UMOD: variants seen among roughly 807,000 people sequenced by gnomAD.
UMOD encodes the protein uromodulin, also known as Tamm-Horsfall urinary glycoprotein.
A neutral mutation model predicts 66.0 loss-of-function variants in UMOD; 64 were observed. The observed-to-expected ratio is 0.97, with a 90% CI of 0.79 to 1.19. The LOEUF is 1.19. Among genes scored for constraint, UMOD ranks in the 50% most tolerant of loss-of-function variants. UMOD has a pLI of 0.00. For missense variants in UMOD, 764 were observed against 850.9 expected, an observed-to-expected ratio of 0.90 and a Z score of 1.27; for synonymous variants, 398 against 352.7, an observed-to-expected ratio of 1.13 and a Z score of -1.44.
At chr16:20,336,510 C>A (rs943636114) in intron 9 of UMOD, 136 bp downstream of exon 9, 2 of 775,404 alleles carry the variant, frequency 2.6e-6, no homozygotes, top group African/African-American at 3.4e-5. Flanking sequence ...CTGTATTCCA[C>A]CTTGCCCCAG....
intron 7 of UMOD, among the ~76,000 whole-genome samples, chr16:20,339,589 A>C (rs1965073783): frequency 6.6e-6 from 1 of 152,218 alleles, no homozygotes; most frequent in Admixed American, 6.5e-5. Flanking sequence ...TCACATTGGC[A>C]CTCACCTGAA....
intron 9 of UMOD, among the ~76,000 whole-genome samples, chr16:20,336,330 C>T (rs1434148929): frequency 6.6e-6 from 1 of 152,232 alleles, no homozygotes; most frequent in Admixed American, 6.5e-5. Context: ...CACACATCTA[C>T]TACAAATATG....
intron 2 of UMOD, chr16:20,349,978 T>C: frequency 4.7e-6 from 6 of 1,268,534 alleles, no homozygotes; most frequent in Non-Finnish European, 6.3e-6. Flanking sequence ...TCTTGTTGAA[T>C]ACTTCCCAAG....
intron 3 of UMOD, 30 bp from the exon 4 acceptor site, chr16:20,348,360 CA>C (rs777115768): frequency 6.2e-7 from 1 of 1,614,064 alleles, no homozygotes; most frequent in African/African-American, 1.3e-5. Context: ...GACAGACAAT[CA>C]ATAAGGACGC....
chr16:20,340,199 T>A (rs1965113849), intron 7 of UMOD, among the ~76,000 whole-genome samples: 1 of 152,172 alleles, frequency 6.6e-6, no homozygotes, highest in Admixed American at 6.5e-5. Flanking sequence ...TGAAGCACCA[T>A]TCTCAAAATA....
intron 10 of UMOD, among the ~76,000 whole-genome samples, chr16:20,333,976 G>T (rs1964733897): frequency 7.0e-6 from 1 of 143,080 alleles, no homozygotes; most frequent in African/African-American, 2.6e-5. Context: ...AGAGGTTACA[G>T]TGAGCTGAGA....
Position 20,335,477 on chromosome 16 carries a change from C to T in UMOD, c.1861+5G>A. ...GGTCCCACTGCAGAAAGGACCTGAACTTACCCAAGCTGCTAAAAGCCCTTG... is the reference window on the plus strand; with the variant it reads ...GGTCCCACTGCAGAAAGGACCTGAATTTACCCAAGCTGCTAAAAGCCCTTG... On this transcript the variant is annotated splice_donor_5th_base_variant and intron_variant, in intron 10 of 10. Transcript: ENST00000396138. 6.2e-7 allele frequency: 1 copy of T among 1,614,148 alleles called. No homozygotes were observed. The highest frequency in any genetic ancestry group is 1.1e-5 in the South Asian group (1 of 91,070).
chr16:20,353,516 A>C (rs921753021), upstream of UMOD, among the ~76,000 whole-genome samples: 2 of 152,210 alleles, frequency 1.3e-5, no homozygotes, highest in African/African-American at 4.8e-5. Flanking sequence ...AAAGGAGATG[A>C]TGCAAGTAAA....
chr16:20,334,754 G>C (rs1964781345), intron 10 of UMOD, among the ~76,000 whole-genome samples: 1 of 152,054 alleles, frequency 6.6e-6, no homozygotes, highest in Admixed American at 6.6e-5. Flanking sequence ...CAGAGAAGTG[G>C]GGTTTCTTAT....
Position 20,341,194 on chromosome 16 carries a change from C to T in UMOD, c.1474G>A (p.Asp492Asn), listed in dbSNP as rs1965194240. The change falls in exon 7 of 11, where the codon GAT (aspartate) becomes AAT (asparagine). Residue 492 changes from aspartate (D) to asparagine (N), a missense_variant. Coordinates refer to ENST00000396138, the MANE Select transcript of UMOD (RefSeq NM_003361.4). ...GCAAATCGGGACAGGTCGCCCCCAT[C>T]CAACATGGTGCCCACGTAGAGAAAA... is the stretch of plus-strand genomic sequence containing the variant. ...EAFLYVGTML[D>N]GGDLSRFALL... 6.2e-7 allele frequency: 1 copy of T among 1,613,914 alleles called. No homozygotes were observed. The highest frequency in any genetic ancestry group is 1.3e-5 in the African/African-American group (1 of 74,858).
chr16:20,340,239 G>C (rs973327464), intron 7 of UMOD, among the ~76,000 whole-genome samples: 1 of 151,996 alleles, frequency 6.6e-6, no homozygotes, highest in Admixed American at 6.6e-5. Context: ...GTGTATGGTG[G>C]TGTGTGCCTG....
intron 5 of UMOD, 68 bp from the exon 6 acceptor site, chr16:20,344,240 A>C: frequency 4.7e-6 from 7 of 1,474,274 alleles, no homozygotes; most frequent in Non-Finnish European, 6.6e-6. Context: ...TCTGAGTAGG[A>C]CTTCAAAGCT....
intron 10 of UMOD, among the ~76,000 whole-genome samples, chr16:20,334,613 G>A (rs368005151): frequency 2.0e-5 from 3 of 152,088 alleles, no homozygotes; most frequent in Non-Finnish European, 4.4e-5. Flanking sequence ...CACAGCATAG[G>A]TATGTGTGCA....
At chr16:20,336,559 G>A (rs1262247189) in intron 9 of UMOD, 87 bp downstream of exon 9, 7 of 1,284,278 alleles carry the variant, frequency 5.5e-6, no homozygotes, top group South Asian at 4.8e-5. Context: ...GCTCAGTAAG[G>A]TGCCAAGGTG....
intron 6 of UMOD, 149 bp downstream of exon 6, chr16:20,343,875 T>C: frequency 1.1e-6 from 1 of 904,006 alleles, no homozygotes; most frequent in Non-Finnish European, 1.7e-6. Flanking sequence ...GAACCTGGGC[T>C]CCAGAATTCC....
chr16:20,342,874 A>T (rs976670454), intron 6 of UMOD, among the ~76,000 whole-genome samples: 2 of 152,138 alleles, frequency 1.3e-5, no homozygotes, highest in Non-Finnish European at 2.9e-5. Context: ...TCACACCTAT[A>T]ATCCCAGCAC....
intron 10 of UMOD, 68 bp downstream of exon 10, chr16:20,335,414 G>T: frequency 3.3e-6 from 5 of 1,513,794 alleles, no homozygotes; most frequent in Non-Finnish European, 4.6e-6. Context: ...AGCATTACAA[G>T]TTAACAGATA....
intron 10 of UMOD, among the ~76,000 whole-genome samples, chr16:20,334,900 T>G (rs528680473): frequency 6.6e-6 from 1 of 151,598 alleles, no homozygotes; most frequent in South Asian, 2.1e-4. Flanking sequence ...GGCGTGATCT[T>G]GGCTCACTGC....
chr16:20,345,284 G>T (rs925115473), intron 5 of UMOD, among the ~76,000 whole-genome samples: 1 of 152,152 alleles, frequency 6.6e-6, no homozygotes, highest in East Asian at 1.9e-4. Context: ...AAAGTGCTGG[G>T]ATTACAGGCG....
Sources: allele counts gnomAD v4.1 joint callset (sites outside exome capture counted in the v4.1 genomes callset), GRCh38; gene constraint gnomAD v4.1.1; transcripts MANE v1.5; gene names NCBI Gene and HGNC (gene_info 2026-07-23, HGNC 2026-07-21).